The following OR3A2 variants were observed in gnomAD, a reference collection of about 807,000 sequenced individuals.
OR3A2 encodes olfactory receptor 3A2.
For synonymous variants in OR3A2, 126 were observed against 159.3 expected (o/e 0.79, Z 1.57); for missense variants, 318 against 392.8 (o/e 0.81, Z 1.61).
At chr17:3,347,408 C>T (rs565829732) in intron 2 of OR3A2, among the ~76,000 whole-genome samples, 3 of 152,270 alleles carry the variant, frequency 2.0e-5, no homozygotes, top group Non-Finnish European at 2.9e-5. Flanking sequence ...CCCGGCCCCA[C>T]AACAGTCCCC....
At chr17:3,331,999 T>TG (rs930845719) in intron 3 of OR3A2, among the ~76,000 whole-genome samples, 14 of 150,092 alleles carry the variant, frequency 9.3e-5, no homozygotes, top group Non-Finnish European at 2.1e-4. Flanking sequence ...GTGCCCCTGC[T>TG]GGGGGGTGCC....
rs114189057 is a variant in OR3A2, at chr17:3,353,631, C to T, written c.-178-17505G>A. ...AGCATCAATTGAACTGTTCATATGG[C>T]ATTCTGTTGATATGATGCATCACAT... is the stretch of plus-strand genomic sequence containing the variant. On this transcript the variant is annotated intron_variant, in intron 2 of 4. Transcript: ENST00000573491. Among the ~76,000 whole-genome samples the T allele has an allele frequency of 8.8e-3, 1,343 of 151,762 alleles. 20 individuals are homozygous for T. Among genetic ancestry groups the T allele is most frequent in the African/African-American group, 0.031 (1,280 of 41,454 alleles).
intron 1 of OR3A2, among the ~76,000 whole-genome samples, chr17:3,279,564 C>G (rs543032607): frequency 5.9e-5 from 9 of 152,276 alleles, no homozygotes; most frequent in East Asian, 5.8e-4. Flanking sequence ...GAGGCCAAGG[C>G]GGGTGCATCA....
chr17:3,308,821 T>G (rs1287029972), intron 3 of OR3A2, among the ~76,000 whole-genome samples: 1 of 152,160 alleles, frequency 6.6e-6, no homozygotes, highest in Non-Finnish European at 1.5e-5. Context: ...GGTCTCCAAC[T>G]CCACCCCTTC....
At chr17:3,348,311 G>C (rs2049387579) in intron 2 of OR3A2, among the ~76,000 whole-genome samples, 2 of 152,084 alleles carry the variant, frequency 1.3e-5, no homozygotes, top group South Asian at 4.1e-4. Flanking sequence ...TAGACATGAA[G>C]TCCTTGCCCA....
intron 2 of OR3A2, among the ~76,000 whole-genome samples, chr17:3,370,322 A>T (rs1417655351): frequency 6.6e-6 from 1 of 152,210 alleles, no homozygotes; most frequent in African/African-American, 2.4e-5. Flanking sequence ...AAAGGTGTTC[A>T]CAGTAGCCTT....
intron 2 of OR3A2, among the ~76,000 whole-genome samples, chr17:3,345,013 A>C (rs942520368): frequency 6.6e-6 from 1 of 152,184 alleles, no homozygotes; most frequent in African/African-American, 2.4e-5. Context: ...CAAGTGGGCT[A>C]AAGAGATAGA....
At chr17:3,288,268 C>CA (rs1473932762), upstream of OR3A2, among the ~76,000 whole-genome samples, 5 of 96,822 alleles carry the variant, frequency 5.2e-5, no homozygotes, top group African/African-American at 1.8e-4. Flanking sequence ...AAAAAAAAGA[C>CA]AAAAAAAGAA....
chr17:3,371,746 A>C (rs1466172551), intron 2 of OR3A2, among the ~76,000 whole-genome samples: 10 of 80,610 alleles, frequency 1.2e-4, no homozygotes, highest in South Asian at 4.4e-4. Flanking sequence ...GGGCAGAGGG[A>C]CTCCTCACTT....
At chr17:3,328,602 G>T (rs1331819768) in intron 3 of OR3A2, among the ~76,000 whole-genome samples, 1 of 147,328 alleles carries the variant, frequency 6.8e-6, no homozygotes, top group South Asian at 2.2e-4. Flanking sequence ...ATGTTGAATA[G>T]GAGTGGTGAG....
intron 3 of OR3A2, among the ~76,000 whole-genome samples, chr17:3,316,877 G>A (rs575775869): frequency 3.9e-5 from 6 of 152,314 alleles, no homozygotes; most frequent in Admixed American, 1.3e-4. Context: ...AGAATATATG[G>A]AGATCAAAGT....
intron 3 of OR3A2, among the ~76,000 whole-genome samples, chr17:3,305,236 G>A (rs897555813): frequency 6.6e-6 from 1 of 151,742 alleles, no homozygotes; most frequent in African/African-American, 2.4e-5. Flanking sequence ...GAGGGGTGGA[G>A]AGGTATGTCT....
At position 3,328,839 on chromosome 17, in the gene OR3A2, T is replaced by C; in HGVS notation, c.-85+7194A>G. Among the ~76,000 whole-genome samples, 2 of 148,354 alleles carry C rather than the reference T, an allele frequency of 1.3e-5. 1 individual carries two copies. The highest frequency in any genetic ancestry group is 3.0e-5 in the Non-Finnish European group (2 of 67,528). On this transcript the variant is annotated intron_variant, in intron 3 of 4. Coordinates refer to the OR3A2 transcript ENST00000573491. ...ATCATGTGGTTTTTGTCTTCGGCTCTGTTTATATGCTGGATTACATTTATT... is the reference window on the plus strand; with the variant it reads ...ATCATGTGGTTTTTGTCTTCGGCTCCGTTTATATGCTGGATTACATTTATT...
chr17:3,312,089 TG>T (rs1170809320), intron 3 of OR3A2, among the ~76,000 whole-genome samples: 22 of 152,146 alleles, frequency 1.4e-4, no homozygotes, highest in African/African-American at 5.1e-4. Flanking sequence ...TGGTCTGCCT[TG>T]GATTGAGGAG....
chr17:3,347,821 C>T (rs146418745), intron 2 of OR3A2, among the ~76,000 whole-genome samples: 5,997 of 152,310 alleles, frequency 0.039, 243 homozygotes, highest in African/African-American at 0.098. Flanking sequence ...AATCGTCACA[C>T]TGACTTCCAC....
rs111961527 is a variant in OR3A2 at position 3,289,412 on chromosome 17, A to G, written c.-84-10259T>C. 6.1e-3 allele frequency among the ~76,000 whole-genome samples: 935 copies of G among 152,344 alleles called. 9 individuals carry two copies. Among genetic ancestry groups the G allele is most frequent in the African/African-American group, 0.021 (893 of 41,570 alleles). On this transcript the variant is annotated intron_variant, in intron 3 of 4. Coordinates refer to the OR3A2 transcript ENST00000573491. ...GGAATCAGGCCTTTGGCCATTGTCT[A>G]TGATGCTGGACCCAGTGGCTCCATT...
intron 3 of OR3A2, among the ~76,000 whole-genome samples, chr17:3,315,007 G>A (rs894071402): frequency 6.6e-6 from 1 of 152,154 alleles, no homozygotes; most frequent in African/African-American, 2.4e-5. Context: ...TTGTGGCAAA[G>A]GACATTATTT....
rs146171012 is a variant in OR3A2 at position 3,292,323 on chromosome 17, C to T, written c.-84-13170G>A. On this transcript the variant is annotated intron_variant, in intron 3 of 4. Transcript: ENST00000573491. ...AACTGCACGCTTGCGGGACAGGAGA[C>T]GACTCAACATTGATGGAACAGTGAC... 34 of 1,613,960 alleles carry T rather than the reference C, an allele frequency of 2.1e-5. No homozygotes were observed. The highest frequency in any genetic ancestry group is 5.3e-5 in the African/African-American group (4 of 74,880).
intron 3 of OR3A2, 85 bp downstream of exon 2, chr17:3,335,944 A>G (rs1279599922): frequency 2.0e-5 from 3 of 152,304 alleles, no homozygotes. Flanking sequence ...GTGCCAACAC[A>G]TAACAAGTGC....
Sources: allele counts gnomAD v4.1 joint callset (sites outside exome capture counted in the v4.1 genomes callset), GRCh38; gene constraint gnomAD v4.1.1; transcripts MANE v1.5; gene names NCBI Gene and HGNC (gene_info 2026-07-23, HGNC 2026-07-21).